Variants in ZNF652 observed in about 807,000 individuals in gnomAD.
ZNF652 encodes the protein zinc finger protein 652.
A neutral mutation model predicts 45.2 loss-of-function variants in ZNF652; 16 were observed. That is an observed-to-expected ratio of 0.35 (90% CI 0.24 to 0.54). The LOEUF (loss-of-function observed/expected upper bound fraction) is 0.54, where lower values mean the gene tolerates loss of function less well. Ranked by LOEUF, ZNF652 falls within the 20% of genes least tolerant of loss-of-function variation. The pLI is 0.91. For missense variants in ZNF652, 614 were observed against 765.6 expected, an observed-to-expected ratio of 0.80 and a Z score of 2.34; for synonymous variants, 250 against 260.6, an observed-to-expected ratio of 0.96 and a Z score of 0.39.
In ZNF652 at chr17:49,294,117, G is replaced by A. The variant is rs981093615; in HGVS notation, c.*4296C>T. Among the ~76,000 whole-genome samples, 3 of 151,614 alleles carry A rather than the reference G, an allele frequency of 2.0e-5. No individual in the cohort carries two copies. The highest frequency in any genetic ancestry group is 4.8e-5 in the African/African-American group (2 of 41,296). ...TTAAAACTTCCAGTGAAATAATAAT[G>A]GAACTAAACATACATATCTATTCAA... On this transcript the variant is annotated 3_prime_UTR_variant, in exon 6 of 6. Transcript: ENST00000430262.
rs1286160204 is a variant in ZNF652, at chr17:49,362,202, T to C, written c.-552A>G. 6.7e-6 allele frequency: 1 copy of C among 148,878 alleles called. No homozygotes were observed. Among genetic ancestry groups the C allele is most frequent in the African/African-American group, 2.5e-5 (1 of 40,414 alleles). The allele number at this position is 148,878 out of a possible 1,614,324, so 9.2% of individuals were successfully genotyped here. ...GCGGGGCGGGCGGCAGGGGAGGGGG[T>C]GTGCGTGTGTGGATGTGTGTGCCGG... is the stretch of plus-strand genomic sequence containing the variant. On this transcript the variant is annotated 5_prime_UTR_variant, in exon 1 of 6. Transcript: ENST00000430262.
intron 1 of ZNF652, among the ~76,000 whole-genome samples, chr17:49,328,983 G>A (rs1322187457): frequency 3.9e-5 from 6 of 152,300 alleles, no homozygotes; most frequent in East Asian, 3.9e-4. Flanking sequence ...CTCAAAAGAT[G>A]TACTTAGGTT....
chr17:49,345,812 G>T (rs1006569889), intron 1 of ZNF652, among the ~76,000 whole-genome samples: 1 of 147,182 alleles, frequency 6.8e-6, no homozygotes, highest in African/African-American at 2.5e-5. Context: ...CTGCAGTCCA[G>T]CCTGGGCGAA....
At chr17:49,289,000 C>T (rs185264339), downstream of ZNF652, among the ~76,000 whole-genome samples, 8 of 152,304 alleles carry the variant, frequency 5.3e-5, no homozygotes, top group East Asian at 1.5e-3. Context: ...CTTTGGTTAA[C>T]AGCCTTGAAA....
chr17:49,353,031 C>T (rs1238934165), intron 1 of ZNF652, among the ~76,000 whole-genome samples: 1 of 152,004 alleles, frequency 6.6e-6, no homozygotes, highest in Non-Finnish European at 1.5e-5. Context: ...TGTTCCGTGT[C>T]CTGGCTGTGG....
At chr17:49,308,671 G>A (rs1227320322) in intron 5 of ZNF652, among the ~76,000 whole-genome samples, 2 of 151,940 alleles carry the variant, frequency 1.3e-5, no homozygotes, top group Non-Finnish European at 2.9e-5. Flanking sequence ...GCACGGTGGT[G>A]CGCACCTGTA....
intron 5 of ZNF652, among the ~76,000 whole-genome samples, chr17:49,307,412 C>G (rs1399871200): frequency 9.0e-6 from 1 of 111,402 alleles, no homozygotes; most frequent in Non-Finnish European, 1.7e-5. Context: ...GCCTGGGCAA[C>G]AGAGTGAGAC....
intron 5 of ZNF652, among the ~76,000 whole-genome samples, chr17:49,303,648 G>C (rs1394031455): frequency 6.6e-6 from 1 of 152,046 alleles, no homozygotes; most frequent in Non-Finnish European, 1.5e-5. Context: ...TTCAGAGTTA[G>C]TATTCTTCAC....
intron 5 of ZNF652, among the ~76,000 whole-genome samples, chr17:49,299,280 C>T (rs1401531547): frequency 6.6e-6 from 1 of 152,170 alleles, no homozygotes; most frequent in Non-Finnish European, 1.5e-5. Context: ...CCTCTACATC[C>T]TACACAAAGA....
intron 1 of ZNF652, among the ~76,000 whole-genome samples, chr17:49,321,550 G>A (rs1389388324): frequency 6.6e-6 from 1 of 151,252 alleles, no homozygotes; most frequent in Non-Finnish European, 1.5e-5. Flanking sequence ...AATTACAGGC[G>A]TGAGCCACCG....
chr17:49,315,559 TAAAA>T (rs10542422), intron 2 of ZNF652, among the ~76,000 whole-genome samples: 3 of 143,470 alleles, frequency 2.1e-5, no homozygotes, highest in Non-Finnish European at 4.6e-5. Context: ...AGACTTAAGT[TAAAA>T]AAAAAAAAAA....
At chr17:49,330,369 T>G (rs1217257338) in intron 1 of ZNF652, among the ~76,000 whole-genome samples, 1 of 152,222 alleles carries the variant, frequency 6.6e-6, no homozygotes, top group Non-Finnish European at 1.5e-5. Flanking sequence ...CTCAGCTCAC[T>G]GCAATCTCTA....
At chr17:49,358,669 CT>C (rs1002057936) in intron 1 of ZNF652, among the ~76,000 whole-genome samples, 1 of 151,816 alleles carries the variant, frequency 6.6e-6, no homozygotes, top group East Asian at 1.9e-4. Flanking sequence ...TACTAATCAA[CT>C]TTTTTTTTCT....
In ZNF652 at chr17:49,311,912, T is replaced by A; in HGVS notation, c.1164+15A>T. 1 of 1,604,110 alleles carries A rather than the reference T, an allele frequency of 6.2e-7. No homozygotes were observed. Among genetic ancestry groups the A allele is most frequent in the Non-Finnish European group, 8.5e-7 (1 of 1,171,596 alleles). ...TAGCCCCTAGGCCTGGGCCTGTAGG[T>A]AGCACATTCCTTACCTCGCATCTAA... On this transcript the variant is annotated intron_variant, in intron 4 of 5. Coordinates refer to ENST00000430262, the MANE Select transcript of ZNF652 (RefSeq NM_001145365.3).
At chr17:49,323,912 T>C (rs1385925425) in intron 1 of ZNF652, among the ~76,000 whole-genome samples, 1 of 152,210 alleles carries the variant, frequency 6.6e-6, no homozygotes, top group African/African-American at 2.4e-5. Context: ...AGATTTAGCA[T>C]CACTCTTAAG....
In ZNF652 at chr17:49,347,318, A is replaced by T. The variant is rs558990450; in HGVS notation, c.-259+14591T>A. On this transcript the variant is annotated intron_variant, in intron 1 of 5. Transcript: ENST00000430262. ...GGTGGCTCATGCCTGTAATCCCAACACTTTGGAAGGCCACGATGTGTGGAT... is the reference window on the plus strand; with the variant it reads ...GGTGGCTCATGCCTGTAATCCCAACTCTTTGGAAGGCCACGATGTGTGGAT... 5.3e-5 allele frequency among the ~76,000 whole-genome samples: 8 copies of T among 152,322 alleles called. No individual in the cohort carries two copies. In the South Asian group the frequency reaches 1.7e-3, roughly 32 times the overall value.
At chr17:49,357,130 T>C (rs1284621102) in intron 1 of ZNF652, among the ~76,000 whole-genome samples, 6 of 151,862 alleles carry the variant, frequency 4.0e-5, no homozygotes, top group East Asian at 3.9e-4. Context: ...AACCCCATCT[T>C]TACTAAAAAT....
chr17:49,300,868 C>A (rs1233154063), intron 5 of ZNF652, among the ~76,000 whole-genome samples: 2 of 152,126 alleles, frequency 1.3e-5, no homozygotes, highest in South Asian at 2.1e-4. Flanking sequence ...TATTATTACC[C>A]CTTATTTTAC....
At chr17:49,332,553 T>C (rs958799239) in intron 1 of ZNF652, among the ~76,000 whole-genome samples, 7 of 152,182 alleles carry the variant, frequency 4.6e-5, no homozygotes, top group African/African-American at 1.7e-4. Context: ...GATCCACCTA[T>C]TCCCAGAAAT....
Sources: gnomAD v4.1 joint callset for allele counts (sites outside exome capture counted in the v4.1 genomes callset) on GRCh38, gnomAD v4.1.1 for gene constraint, MANE v1.5 for transcripts, NCBI Gene and HGNC (gene_info 2026-07-23, HGNC 2026-07-21) for gene names.